The following RETREG1 variants were observed in gnomAD, a reference collection of about 807,000 sequenced individuals.
RETREG1 encodes the protein reticulophagy regulator 1.
A neutral mutation model predicts 54.8 loss-of-function variants in RETREG1; 44 were observed. The observed-to-expected ratio is 0.80, with a 90% CI of 0.63 to 1.03. The LOEUF is 1.03. Among genes scored for constraint, RETREG1 ranks in the 50% least tolerant of loss-of-function variants. RETREG1 has a pLI of 0.00. For synonymous variants in RETREG1, 217 were observed against 238.5 expected (o/e 0.91, Z 0.83); for missense variants, 554 against 605.1 (o/e 0.92, Z 0.89).
At chr5:16,609,312 G>A (rs1743276056) in intron 1 of RETREG1, among the ~76,000 whole-genome samples, 1 of 152,176 alleles carries the variant, frequency 6.6e-6, no homozygotes, top group Non-Finnish European at 1.5e-5. Flanking sequence ...GATGCTACAT[G>A]TGAACACCCT....
chr5:16,587,299 T>A (rs1742648926), intron 1 of RETREG1, among the ~76,000 whole-genome samples: 1 of 152,180 alleles, frequency 6.6e-6, no homozygotes, highest in South Asian at 2.1e-4. Context: ...CTCCATCGCA[T>A]GTAATGTTCC....
intron 3 of RETREG1, among the ~76,000 whole-genome samples, chr5:16,501,667 C>A (rs1285567858): frequency 6.6e-6 from 1 of 151,968 alleles, no homozygotes; most frequent in Non-Finnish European, 1.5e-5. Flanking sequence ...CTCAGCCTCC[C>A]AAGTATCTGG....
At chr5:16,531,586 A>T (rs559931592) in intron 3 of RETREG1, among the ~76,000 whole-genome samples, 1 of 152,292 alleles carries the variant, frequency 6.6e-6, no homozygotes, top group East Asian at 1.9e-4. Flanking sequence ...AGCACAGGAG[A>T]CAGCCTTGGA....
In RETREG1 at chr5:16,616,904, G is replaced by A. The variant is rs1561141838; in HGVS notation, c.68C>T (p.Ala23Val). 2.0e-6 allele frequency: 3 copies of A among 1,479,922 alleles called. No individual in the cohort carries two copies. The highest frequency in any genetic ancestry group is 1.8e-6 in the Non-Finnish European group (2 of 1,122,648). 91.7% of individuals were successfully genotyped at this position (1,479,922 alleles called of 1,614,324 possible). A position where few individuals can be genotyped will look rare whatever the true frequency, so the allele number is the denominator to read the frequency against. Residue 23 changes from alanine (A) to valine (V), a missense_variant, in exon 1 of 9, where the codon GCG (alanine) becomes GTG (valine). By Grantham distance (64) the Ala-to-Val change is moderately conservative. Around this residue, in one of 4 missense-constraint regions of RETREG1, gnomAD observed 175 missense variants for 142.1 expected, o/e 1.23. Transcript: ENST00000306320. ...GCPAPAAEEQ[A>V]PPSPPPPQAS... is the part of the protein sequence containing the mutation. The stretch of plus-strand genomic sequence containing the variant: ...CTGGGGCGGTGGCGGCGACGGCGGC[G>A]CCTGCTCCTCGGCGGCAGGAGCCGG...
intron 3 of RETREG1, among the ~76,000 whole-genome samples, chr5:16,503,626 G>A (rs1336825520): frequency 1.4e-5 from 2 of 141,938 alleles, no homozygotes; most frequent in African/African-American, 5.3e-5. Flanking sequence ...CAAGATCACT[G>A]CACTCCAGCC....
intron 3 of RETREG1, among the ~76,000 whole-genome samples, chr5:16,530,520 C>A (rs747662000): frequency 1.3e-5 from 2 of 152,144 alleles, no homozygotes; most frequent in Non-Finnish European, 2.9e-5. Context: ...TAATCATATG[C>A]AAAACACTGA....
intron 3 of RETREG1, among the ~76,000 whole-genome samples, chr5:16,489,720 T>C (rs1739174215): frequency 6.6e-6 from 1 of 152,218 alleles, no homozygotes; most frequent in African/African-American, 2.4e-5. Context: ...TAAGTTAAAG[T>C]GTACATGTGA....
intron 1 of RETREG1, 71 bp downstream of exon 1, chr5:16,616,581 G>A: frequency 4.6e-6 from 7 of 1,533,212 alleles, no homozygotes; most frequent in Non-Finnish European, 5.2e-6. Context: ...CCCTGCACTG[G>A]GTCCCCGGGG....
At chr5:16,588,587 G>A (rs775462053) in intron 1 of RETREG1, among the ~76,000 whole-genome samples, 10 of 152,154 alleles carry the variant, frequency 6.6e-5, no homozygotes, top group Non-Finnish European at 1.2e-4. Context: ...GCCCCACCAT[G>A]CTGAGGACAT....
chr5:16,573,343 T>C (rs1742234490), intron 1 of RETREG1, among the ~76,000 whole-genome samples: 1 of 152,170 alleles, frequency 6.6e-6, no homozygotes, highest in Admixed American at 6.5e-5. Context: ...AACCCTGCAG[T>C]GCTTTTTTTG....
At chr5:16,551,292 C>T (rs1051372062) in intron 3 of RETREG1, among the ~76,000 whole-genome samples, 1 of 131,588 alleles carries the variant, frequency 7.6e-6, no homozygotes, top group South Asian at 2.3e-4. Context: ...CTCCTCCACA[C>T]ATATAAACAA....
chr5:16,594,555 T>C lies in RETREG1; in HGVS notation c.320+22097A>G, dbSNP rs1389193889. ...GCCTCACCAACATGGCAAAACCCCA[T>C]CTCTACTAAAAATACAAAAATTAGC... On this transcript the variant is annotated intron_variant, in intron 1 of 8. Coordinates refer to ENST00000306320, the MANE Select transcript of RETREG1 (RefSeq NM_001034850.3). The surrounding 1 kb of genome is among the most constrained non-coding windows in gnomAD (Gnocchi z 4.4). 6.6e-6 allele frequency among the ~76,000 whole-genome samples: 1 copy of C among 151,668 alleles called. No individual in the cohort carries two copies. Among genetic ancestry groups the C allele is most frequent in the East Asian group, 1.9e-4 (1 of 5,132 alleles).
At chr5:16,522,148 A>G (rs754760619) in intron 3 of RETREG1, among the ~76,000 whole-genome samples, 1 of 152,152 alleles carries the variant, frequency 6.6e-6, no homozygotes, top group Non-Finnish European at 1.5e-5. Context: ...GCATTTTCCA[A>G]GAGGAACCAG....
chr5:16,541,124 C>A (rs540183449), intron 3 of RETREG1, among the ~76,000 whole-genome samples: 120 of 152,270 alleles, frequency 7.9e-4, no homozygotes, highest in African/African-American at 2.7e-3. Context: ...ATGTTTGTGT[C>A]CCTCCAAAAT....
rs764811292 is a variant in RETREG1, at chr5:16,483,364, T to C, written c.567A>G (p.Lys189=). The part of the protein sequence containing the change: ...SIFLQEMSLF[K]QQSPGKFCLL... ...AACTTGCCTTGCCAGGGCTCTGCTGTTTAAAAAGAGACATTTCTTGAAGAA... is the reference window on the plus strand; with the variant it reads ...AACTTGCCTTGCCAGGGCTCTGCTGCTTAAAAAGAGACATTTCTTGAAGAA... Residue 189 remains lysine (K), a synonymous_variant, in exon 4 of 9, where the codon AAA becomes AAG. Coordinates refer to ENST00000306320, the MANE Select transcript of RETREG1 (RefSeq NM_001034850.3). 2.5e-6 allele frequency: 4 copies of C among 1,613,374 alleles called. No individual in the cohort carries two copies. In the South Asian group the frequency reaches 4.4e-5, roughly 18 times the overall value.
Position 16,484,166 on chromosome 5 carries a change from T to G in RETREG1, c.459-694A>C, listed in dbSNP as rs533997521. Among the ~76,000 whole-genome samples the G allele has an allele frequency of 2.6e-5, 4 of 152,274 alleles. No individual in the cohort carries two copies. In the South Asian group the frequency reaches 8.3e-4, roughly 32 times the overall value. On this transcript the variant is annotated intron_variant, in intron 3 of 8. Coordinates refer to ENST00000306320, the MANE Select transcript of RETREG1 (RefSeq NM_001034850.3). ...ATCATCTAGAATGTGTTGAGTGTGATGCATGGGCCGGCAACCAGCTTTCTC... is the reference window on the plus strand; with the variant it reads ...ATCATCTAGAATGTGTTGAGTGTGAGGCATGGGCCGGCAACCAGCTTTCTC...
At chr5:16,494,552 C>T (rs1739376398) in intron 3 of RETREG1, among the ~76,000 whole-genome samples, 2 of 152,182 alleles carry the variant, frequency 1.3e-5, no homozygotes. Context: ...CCCCTGCTCT[C>T]TCTTACTCCT....
chr5:16,516,748 G>GT (rs1740367964), intron 3 of RETREG1, among the ~76,000 whole-genome samples: 1 of 151,654 alleles, frequency 6.6e-6, no homozygotes, highest in Non-Finnish European at 1.5e-5. Context: ...ACCTCTAAAT[G>GT]TTTTTTCACA....
At chr5:16,527,841 G>C (rs1035274761) in intron 3 of RETREG1, among the ~76,000 whole-genome samples, 1 of 80,732 alleles carries the variant, frequency 1.2e-5, no homozygotes, top group Non-Finnish European at 2.3e-5. Flanking sequence ...ATGCAGTCTC[G>C]CTCCGTCGCC....
Sources: allele counts gnomAD v4.1 joint callset (sites outside exome capture counted in the v4.1 genomes callset), GRCh38; gene constraint gnomAD v4.1.1; regional missense constraint gnomAD v4.1.1; non-coding constraint Gnocchi (gnomAD v3.1); transcripts MANE v1.5; gene names NCBI Gene and HGNC (gene_info 2026-07-23, HGNC 2026-07-21).